Variants in LTBP1 observed in about 807,000 individuals in gnomAD.
The protein encoded by LTBP1 is latent transforming growth factor beta binding protein 1.
In LTBP1, 129 loss-of-function variants were observed where a neutral mutation model predicts 207.6. That is an observed-to-expected ratio of 0.62 (90% CI 0.54 to 0.72). The LOEUF is 0.72. LTBP1 is among the 30% of genes least tolerant of loss of function. The pLI is 0.00. For missense variants in LTBP1, 2,281 were observed against 2,217.2 expected, an observed-to-expected ratio of 1.03 and a Z score of -0.58; for synonymous variants, 963 against 833.7, an observed-to-expected ratio of 1.16 and a Z score of -2.67.
At chr2:33,203,878 G>C (rs994859519) in intron 7 of LTBP1, among the ~76,000 whole-genome samples, 5 of 152,182 alleles carry the variant, frequency 3.3e-5, no homozygotes, top group African/African-American at 9.7e-5. Context: ...ACAGTTCTGA[G>C]CATGTTGGAA....
chr2:33,111,242 C>T (rs11124307), intron 4 of LTBP1, among the ~76,000 whole-genome samples: 49,920 of 151,870 alleles, frequency 0.33, 8,515 homozygotes, highest in South Asian at 0.42. Context: ...ATTTGTAAAG[C>T]GCTATTGTAT....
Position 33,238,945 on chromosome 2 carries a change from C to G in LTBP1, c.1877-4717C>G, listed in dbSNP as rs138268260. On this transcript the variant is annotated intron_variant, in intron 9 of 33. Transcript: ENST00000404816. ...ATGTTGGGTTGTTCATAGGGAGTCTCTTGTTATGCATGTATACCTGATTAC... is the reference window on the plus strand; with the variant it reads ...ATGTTGGGTTGTTCATAGGGAGTCTGTTGTTATGCATGTATACCTGATTAC... Among the ~76,000 whole-genome samples the G allele has an allele frequency of 2.4e-3, 364 of 152,282 alleles. 2 individuals carry two copies. Among genetic ancestry groups the G allele is most frequent in the African/African-American group, 8.5e-3 (354 of 41,556 alleles).
chr2:33,051,432 A>AC (rs975305274), intron 3 of LTBP1, among the ~76,000 whole-genome samples: 21 of 152,022 alleles, frequency 1.4e-4, no homozygotes, highest in South Asian at 6.2e-4. Context: ...TAAGAAAAAA[A>AC]ACACACACAC....
Position 33,353,359 on chromosome 2 carries a change from A to C in LTBP1, c.4000+5849A>C, listed in dbSNP as rs946736333. 3.9e-5 allele frequency among the ~76,000 whole-genome samples: 6 copies of C among 152,188 alleles called. No individual in the cohort carries two copies. In the East Asian group the frequency reaches 1.2e-3, roughly 30 times the overall value. On this transcript the variant is annotated intron_variant, in intron 26 of 33. Coordinates refer to ENST00000404816, the MANE Select transcript of LTBP1 (RefSeq NM_206943.4). ...GTCACCGAGTTGTCACACATTCCCCAAATCCCCAAGATGGAATTACAGGAT... is the reference window on the plus strand; with the variant it reads ...GTCACCGAGTTGTCACACATTCCCCCAATCCCCAAGATGGAATTACAGGAT...
At chr2:33,018,189 C>T (rs1688655015) in intron 2 of LTBP1, among the ~76,000 whole-genome samples, 1 of 151,458 alleles carries the variant, frequency 6.6e-6, no homozygotes, top group African/African-American at 2.4e-5. Flanking sequence ...TCTCCCCACC[C>T]CCCTTACCCT....
At chr2:33,350,465 A>G (rs917173805) in intron 26 of LTBP1, among the ~76,000 whole-genome samples, 1 of 152,248 alleles carries the variant, frequency 6.6e-6, no homozygotes, top group Non-Finnish European at 1.5e-5. Context: ...GCATCCAAGA[A>G]CAGGTGGGAT....
At chr2:33,248,635 G>A (rs144455060) in intron 10 of LTBP1, among the ~76,000 whole-genome samples, 2,681 of 149,146 alleles carry the variant, frequency 0.018, 87 homozygotes, top group African/African-American at 0.063. Context: ...TGCCCAGGCT[G>A]GAGTGCAGTG....
intron 3 of LTBP1, among the ~76,000 whole-genome samples, chr2:33,108,555 G>T (rs146845091): frequency 5.3e-5 from 8 of 152,106 alleles, no homozygotes; most frequent in East Asian, 3.9e-4. Flanking sequence ...CAATTCAGAG[G>T]GGGGACAAGA....
intron 9 of LTBP1, among the ~76,000 whole-genome samples, chr2:33,225,607 C>T (rs1166160063): frequency 6.6e-6 from 1 of 152,176 alleles, no homozygotes; most frequent in African/African-American, 2.4e-5. Flanking sequence ...CCCCATGATT[C>T]ATTACCTCCT....
intron 26 of LTBP1, among the ~76,000 whole-genome samples, chr2:33,359,902 C>T (rs1224823146): frequency 1.3e-5 from 2 of 152,078 alleles, no homozygotes; most frequent in African/African-American, 2.4e-5. Flanking sequence ...TCGCCTTGTT[C>T]GTGTTTTATC....
intron 5 of LTBP1, among the ~76,000 whole-genome samples, chr2:33,146,511 T>G (rs1219842023): frequency 6.6e-6 from 1 of 152,178 alleles, no homozygotes; most frequent in Admixed American, 6.5e-5. Context: ...TTTATTCTCT[T>G]TAATTGTTTT....
chr2:32,994,676 A>G (rs1205190046), intron 2 of LTBP1, among the ~76,000 whole-genome samples: 1 of 152,136 alleles, frequency 6.6e-6, no homozygotes, highest in South Asian at 2.1e-4. Context: ...CATGTTGATC[A>G]GGCTGTTCTC....
intron 4 of LTBP1, among the ~76,000 whole-genome samples, chr2:33,129,006 T>C (rs2081603693): frequency 6.6e-6 from 1 of 152,158 alleles, no homozygotes; most frequent in South Asian, 2.1e-4. Flanking sequence ...AGATGTGTTC[T>C]AGACAGGTGA....
chr2:33,301,687 C>A, intron 22 of LTBP1, 43 bp downstream of exon 22: 1 of 1,507,174 alleles, frequency 6.6e-7, no homozygotes, highest in South Asian at 1.3e-5. Context: ...ATGCCCAGAT[C>A]GGAGGGAAAT....
At chr2:33,366,871 A>G (rs1303634620) in intron 31 of LTBP1, among the ~76,000 whole-genome samples, 6 of 152,222 alleles carry the variant, frequency 3.9e-5, no homozygotes, top group Non-Finnish European at 7.3e-5. Context: ...TTTTCTCACA[A>G]TGCTATACTA....
At chr2:33,389,105 C>T (rs563221224) in intron 31 of LTBP1, 79 bp from the exon 32 acceptor site, 3 of 1,592,060 alleles carry the variant, frequency 1.9e-6, no homozygotes, top group East Asian at 2.2e-5. Context: ...GGCAGATTCC[C>T]GTTGCTCTGA....
chr2:33,369,700 C>A (rs1016978145), intron 31 of LTBP1, among the ~76,000 whole-genome samples: 2 of 152,132 alleles, frequency 1.3e-5, no homozygotes, highest in South Asian at 2.1e-4. Flanking sequence ...ACCACACACA[C>A]AAAAATAATT....
At chr2:33,027,068 A>G (rs1470149057) in intron 3 of LTBP1, among the ~76,000 whole-genome samples, 4 of 152,192 alleles carry the variant, frequency 2.6e-5, no homozygotes, top group Admixed American at 6.5e-5. Flanking sequence ...AGATTCATCT[A>G]TGCAGTTGTG....
chr2:33,136,491 T>TA (rs1243967273), intron 5 of LTBP1, among the ~76,000 whole-genome samples: 2 of 152,068 alleles, frequency 1.3e-5, no homozygotes, highest in African/African-American at 2.4e-5. Context: ...TTTTCTGGCT[T>TA]AAAAAAATTT....
Sources: gnomAD v4.1 joint callset for allele counts (sites outside exome capture counted in the v4.1 genomes callset) on GRCh38, gnomAD v4.1.1 for gene constraint, MANE v1.5 for transcripts, NCBI Gene and HGNC (gene_info 2026-07-23, HGNC 2026-07-21) for gene names.